Variants in AGPS observed in about 807,000 individuals in gnomAD.
AGPS encodes alkylglycerone phosphate synthase.
Under a neutral mutation model 90.7 loss-of-function variants are expected in AGPS, and 26 were observed. The ratio of observed to expected loss-of-function variants is 0.29; its 90% CI spans 0.21 to 0.40. The LOEUF is 0.40. Ranked by LOEUF, AGPS falls within the 10% of genes least tolerant of loss-of-function variation. The pLI, the probability that AGPS is intolerant of heterozygous loss-of-function variation, is 1.00. For missense variants in AGPS, 540 were observed against 816.1 expected, an observed-to-expected ratio of 0.66 and a Z score of 4.12; for synonymous variants, 294 against 285.3, an observed-to-expected ratio of 1.03 and a Z score of -0.31.
chr2:177,487,427 A>G (rs952014832), intron 11 of AGPS, among the ~76,000 whole-genome samples: 1 of 151,840 alleles, frequency 6.6e-6, no homozygotes, highest in Non-Finnish European at 1.5e-5. Flanking sequence ...TCCTTCTATC[A>G]CTTTTATTTT....
chr2:177,442,143 A>T (rs1559047886), intron 6 of AGPS, among the ~76,000 whole-genome samples: 1 of 152,164 alleles, frequency 6.6e-6, no homozygotes, highest in Admixed American at 6.6e-5. Context: ...TAGGGGCTTC[A>T]CTTGAGTGTG....
intron 8 of AGPS, among the ~76,000 whole-genome samples, chr2:177,459,109 G>A (rs761696967): frequency 1.3e-5 from 2 of 152,144 alleles, no homozygotes; most frequent in African/African-American, 4.8e-5. Flanking sequence ...GGGAAAACTG[G>A]CTAGCCATAT....
At chr2:177,393,783 G>A (rs1188893874) in intron 1 of AGPS, among the ~76,000 whole-genome samples, 2 of 151,404 alleles carry the variant, frequency 1.3e-5, no homozygotes, top group African/African-American at 4.9e-5. Flanking sequence ...GTAGAGACAG[G>A]GTTTCACCGT....
At chr2:177,450,975 T>TATATATATATA in intron 8 of AGPS, among the ~76,000 whole-genome samples, 3 of 136,582 alleles carry the variant, frequency 2.2e-5, no homozygotes, top group African/African-American at 1.1e-4. Flanking sequence ...TATATATATA[T>TATATATATATA]TTTAGAGACA....
In AGPS at chr2:177,517,697, A is replaced by G. The variant is rs2364855; in HGVS notation, c.1698-3572A>G. ...TAGACTTAAAAAAAAATAGTATTGT[A>G]CAAATATTTCCTGTGTACCCTTTAC... On this transcript the variant is annotated intron_variant, in intron 17 of 19. Transcript: ENST00000264167. 3.0e-3 allele frequency among the ~76,000 whole-genome samples: 453 copies of G among 152,302 alleles called. 4 individuals are homozygous for G. The highest frequency in any genetic ancestry group is 0.01 in the African/African-American group (427 of 41,572).
At position 177,499,672 on chromosome 2, in the gene AGPS, G is replaced by C; in HGVS notation, c.1417G>C (p.Asp473His). ...LSVATLLFEG[D>H]REKVLQHEKQ... ...TGTAGCCACATTACTGTTTGAGGGG[G>C]ATCGTGAGAAGGTTCTTCAACATGA... is the stretch of plus-strand genomic sequence containing the variant. The change falls in exon 14 of 20, where the codon GAT (aspartate) becomes CAT (histidine). Residue 473 changes from aspartate (D) to histidine (H), a missense_variant. Asp to His is a moderately conservative substitution (Grantham distance 81, BLOSUM62 -1). Around this residue, in one of 2 missense-constraint regions of AGPS, gnomAD observed 405 missense variants for 692.1 expected, o/e 0.59. Coordinates refer to ENST00000264167, the MANE Select transcript of AGPS (RefSeq NM_003659.4). 2 of 1,612,352 alleles carry C rather than the reference G, an allele frequency of 1.2e-6. No homozygotes were observed. Among genetic ancestry groups the C allele is most frequent in the Non-Finnish European group, 1.7e-6 (2 of 1,178,932 alleles).
In AGPS at chr2:177,458,859, G is replaced by A. The variant is rs150590531; in HGVS notation, c.871-3034G>A. Among the ~76,000 whole-genome samples, 385 of 152,184 alleles carry A rather than the reference G, an allele frequency of 2.5e-3. 4 individuals carry two copies. The highest frequency in any genetic ancestry group is 8.8e-3 in the African/African-American group (366 of 41,512). ...CATATGGAACAAAAAAAGAGCCCAC[G>A]TAGCCAAGACAATCCTGGACAAGAA... On this transcript the variant is annotated intron_variant, in intron 8 of 19. Coordinates refer to ENST00000264167, the MANE Select transcript of AGPS (RefSeq NM_003659.4).
chr2:177,486,366 A>G (rs1688092714), intron 11 of AGPS, among the ~76,000 whole-genome samples: 1 of 152,162 alleles, frequency 6.6e-6, no homozygotes, highest in African/African-American at 2.4e-5. Context: ...TAGAACATAC[A>G]AGTCTCATAT....
chr2:177,538,059 AT>A lies in AGPS; in HGVS notation c.1856-11del, dbSNP rs751247117. ...CATAGCATATATTGAAGCATTTTTG[AT>A]TTTGTTTTTCCAGTGGGCAAGTTAC... On this transcript the variant is annotated splice_polypyrimidine_tract_variant and intron_variant, in intron 19 of 19. Coordinates refer to ENST00000264167, the MANE Select transcript of AGPS (RefSeq NM_003659.4). 1 of 1,612,594 alleles carries A rather than the reference AT, an allele frequency of 6.2e-7. No homozygotes were observed. The highest frequency in any genetic ancestry group is 1.3e-5 in the African/African-American group (1 of 74,810).
intron 11 of AGPS, among the ~76,000 whole-genome samples, chr2:177,492,368 A>T (rs1004660615): frequency 5.3e-5 from 8 of 152,306 alleles, no homozygotes; most frequent in Admixed American, 1.3e-4. Flanking sequence ...TTTTATTAGA[A>T]GTCAATGTGC....
At chr2:177,420,134 A>G (rs1239180682) in intron 1 of AGPS, 135 bp from the exon 2 acceptor site, 24 of 602,750 alleles carry the variant, frequency 4.0e-5, no homozygotes, top group South Asian at 3.7e-4. Flanking sequence ...AATGTGTGCT[A>G]ATTTTATTTA....
chr2:177,393,118 AGGC>A (rs1174168642), intron 1 of AGPS, 69 bp downstream of exon 1: 1 of 1,549,776 alleles, frequency 6.5e-7, no homozygotes, highest in Non-Finnish European at 8.7e-7. Flanking sequence ...AGGAGGGCAC[AGGC>A]GAGGTGGGAA....
chr2:177,493,058 T>C (rs2105705333), intron 11 of AGPS, 90 bp from the exon 12 acceptor site: 1 of 1,222,586 alleles, frequency 8.2e-7, no homozygotes. Flanking sequence ...TCTTGATCTC[T>C]TAAATATAGA....
At chr2:177,499,793 A>C (rs990789123) in intron 14 of AGPS, 63 bp downstream of exon 14, 17 of 1,100,518 alleles carry the variant, frequency 1.5e-5, no homozygotes, top group Non-Finnish European at 2.1e-5. Context: ...AATATCACCA[A>C]GCAATTATTA....
In AGPS at chr2:177,432,382, A is replaced by C. The variant is rs191848469; in HGVS notation, c.351-1945A>C. ...TCACTGTGATTCAACAATTGGTATA[A>C]GTGCTTAACTTTCCCTTTATCACAT... On this transcript the variant is annotated intron_variant, in intron 2 of 19. Transcript: ENST00000264167. Among the ~76,000 whole-genome samples, 16 of 152,370 alleles carry C rather than the reference A, an allele frequency of 1.1e-4. No individual in the cohort carries two copies. In the East Asian group the frequency reaches 3.1e-3, roughly 29 times the overall value.
At chr2:177,464,751 C>T (rs1056675036) in intron 9 of AGPS, among the ~76,000 whole-genome samples, 4 of 152,204 alleles carry the variant, frequency 2.6e-5, no homozygotes, top group African/African-American at 9.7e-5. Context: ...TCGCTATTAG[C>T]GGTAATCCAC....
chr2:177,461,562 A>G (rs1020188375), intron 8 of AGPS, among the ~76,000 whole-genome samples: 4 of 152,096 alleles, frequency 2.6e-5, no homozygotes, highest in African/African-American at 7.2e-5. Flanking sequence ...TATTTAAACT[A>G]TCTCTTTGTA....
intron 5 of AGPS, among the ~76,000 whole-genome samples, chr2:177,437,303 T>C (rs1055037601): frequency 6.6e-6 from 1 of 152,104 alleles, no homozygotes; most frequent in Non-Finnish European, 1.5e-5. Flanking sequence ...ATTTGAGATG[T>C]CAGTGGAAAA....
chr2:177,455,925 T>C (rs2105657575), intron 8 of AGPS, among the ~76,000 whole-genome samples: 1 of 152,314 alleles, frequency 6.6e-6, no homozygotes, highest in South Asian at 2.1e-4. Context: ...GGAACACAAG[T>C]GAGATAAAGC....
Sources: gnomAD v4.1 joint callset for allele counts (sites outside exome capture counted in the v4.1 genomes callset) on GRCh38, gnomAD v4.1.1 for gene constraint, gnomAD v4.1.1 regional missense constraint, MANE v1.5 for transcripts, NCBI Gene and HGNC (gene_info 2026-07-23, HGNC 2026-07-21) for gene names.